The following ROBO2 variants were observed in gnomAD, a reference collection of about 807,000 sequenced individuals.
ROBO2 encodes the protein roundabout guidance receptor 2.
A neutral mutation model predicts 160.8 loss-of-function variants in ROBO2; 53 were observed. That is an observed-to-expected ratio of 0.33 (90% CI 0.26 to 0.41). The LOEUF is 0.41. ROBO2 is among the 10% of genes least tolerant of loss of function. The pLI is 1.00. For synonymous variants in ROBO2, 664 were observed against 611.7 expected, an observed-to-expected ratio of 1.09 and a Z score of -1.26; for missense variants, 1,577 against 1,722.4, an observed-to-expected ratio of 0.92 and a Z score of 1.49.
At chr3:76,110,057 G>A (rs2070151958) in intron 2 of ROBO2, among the ~76,000 whole-genome samples, 1 of 150,522 alleles carries the variant, frequency 6.6e-6, no homozygotes, top group Non-Finnish European at 1.5e-5. Flanking sequence ...ATATATGAAT[G>A]AATATATATA....
chr3:76,986,736 G>T (rs2060402287), intron 2 of ROBO2, among the ~76,000 whole-genome samples: 1 of 152,166 alleles, frequency 6.6e-6, no homozygotes, highest in Admixed American at 6.6e-5. Context: ...GTATGGAATT[G>T]TGCTTGGTTG....
chr3:76,212,520 A>AT (rs1333632221), intron 2 of ROBO2, among the ~76,000 whole-genome samples: 4 of 152,018 alleles, frequency 2.6e-5, no homozygotes, highest in Non-Finnish European at 5.9e-5. Context: ...TAGCAATTAG[A>AT]TTTTTTGTTT....
intron 2 of ROBO2, among the ~76,000 whole-genome samples, chr3:77,173,042 G>A (rs1414383830): frequency 6.6e-6 from 1 of 152,140 alleles, no homozygotes; most frequent in Non-Finnish European, 1.5e-5. Context: ...GGAGATGTCA[G>A]GTAGATAGAC....
chr3:77,568,190 A>T (rs2093542440), intron 12 of ROBO2, 123 bp from the exon 14 acceptor site: 2 of 1,059,284 alleles, frequency 1.9e-6, no homozygotes, highest in South Asian at 1.4e-5. Flanking sequence ...TTTTGTCACA[A>T]GAGAGTTTTC....
intron 2 of ROBO2, among the ~76,000 whole-genome samples, chr3:76,061,883 C>T (rs912126004): frequency 1.3e-4 from 20 of 152,118 alleles, no homozygotes; most frequent in Non-Finnish European, 1.8e-4. Flanking sequence ...AGGGGCCACC[C>T]GCATTCTTTG....
chr3:76,250,113 T>C (rs953581918), intron 2 of ROBO2, among the ~76,000 whole-genome samples: 5 of 152,084 alleles, frequency 3.3e-5, no homozygotes, highest in African/African-American at 1.2e-4. Flanking sequence ...AACAAAATTA[T>C]GTAATATCAA....
chr3:77,209,792 C>T (rs1039540025), intron 2 of ROBO2, among the ~76,000 whole-genome samples: 1 of 152,072 alleles, frequency 6.6e-6, no homozygotes, highest in African/African-American at 2.4e-5. Context: ...CTGGCCTTAT[C>T]AGAATTATTA....
In ROBO2 at chr3:76,481,094, A is replaced by G. The variant is rs369841650; in HGVS notation, c.109+543492A>G. Among the ~76,000 whole-genome samples, 38 of 152,290 alleles carry G rather than the reference A, an allele frequency of 2.5e-4. 1 individual carries two copies. The highest frequency in any genetic ancestry group is 2.1e-3 in the South Asian group (10 of 4,826). On this transcript the variant is annotated intron_variant, in intron 2 of 26. Coordinates refer to the ROBO2 transcript ENST00000487694. ...TACCCAGTGATAGGAGATATGAGCA[A>G]GGAAATGCGTCTCAATGACCTGAAA...
At chr3:77,026,742 T>G (rs888331782) in intron 2 of ROBO2, among the ~76,000 whole-genome samples, 1 of 152,218 alleles carries the variant, frequency 6.6e-6, no homozygotes, top group Non-Finnish European at 1.5e-5. Context: ...CAAAGTATCT[T>G]TATGAGACAG....
intron 19 of ROBO2, among the ~76,000 whole-genome samples, chr3:77,600,541 G>A (rs1391003053): frequency 6.6e-6 from 1 of 152,096 alleles, no homozygotes; most frequent in African/African-American, 2.4e-5. Context: ...GCTTGCCATC[G>A]AAGTGGCTTG....
intron 2 of ROBO2, among the ~76,000 whole-genome samples, chr3:76,158,218 A>G (rs148722152): frequency 1.8e-4 from 28 of 152,162 alleles, no homozygotes; most frequent in African/African-American, 6.5e-4. Flanking sequence ...TCTTACTACC[A>G]TCTATCAAAC....
At chr3:76,025,939 T>C (rs2066730233) in intron 2 of ROBO2, among the ~76,000 whole-genome samples, 2 of 151,876 alleles carry the variant, frequency 1.3e-5, no homozygotes, top group Non-Finnish European at 2.9e-5. Flanking sequence ...ACCATCCTAT[T>C]AGACATTTTC....
rs370125021 is a variant in ROBO2, at chr3:76,109,419, T to G, written c.109+171817T>G. Reference sequence around the variant, plus strand: ...GCAAGATGTCAGGTACCACTACTACTAATAATACCATATGTGGCTTGTGAG... The same window carrying G: ...GCAAGATGTCAGGTACCACTACTACGAATAATACCATATGTGGCTTGTGAG... On this transcript the variant is annotated intron_variant, in intron 2 of 26. Coordinates refer to the ROBO2 transcript ENST00000487694. Among the ~76,000 whole-genome samples the G allele has an allele frequency of 1.1e-3, 164 of 152,114 alleles. 4 individuals carry two copies. In the South Asian group the frequency reaches 0.034, roughly 31 times the overall value.
At chr3:77,583,045 G>C (rs1238312477) in intron 16 of ROBO2, among the ~76,000 whole-genome samples, 1 of 150,860 alleles carries the variant, frequency 6.6e-6, no homozygotes, top group Non-Finnish European at 1.5e-5. Flanking sequence ...GGGAGGCTGA[G>C]GCAGTAAAAT....
At chr3:75,953,769 A>T (rs2107209822) in intron 2 of ROBO2, among the ~76,000 whole-genome samples, 1 of 152,022 alleles carries the variant, frequency 6.6e-6, no homozygotes, top group African/African-American at 2.4e-5. Context: ...TTGTCTCAGT[A>T]ATTTCTCAAT....
chr3:77,090,497 G>GCGC (rs1292683948), intron 1 of ROBO2, among the ~76,000 whole-genome samples: 1 of 151,466 alleles, frequency 6.6e-6, no homozygotes, highest in Non-Finnish European at 1.5e-5. Flanking sequence ...GGGACGACAG[G>GCGC]CGCCACCACC....
chr3:77,403,616 G>A (rs1426539329), intron 2 of ROBO2, among the ~76,000 whole-genome samples: 1 of 30,994 alleles, frequency 3.2e-5, no homozygotes, highest in African/African-American at 1.5e-4. Flanking sequence ...GTGTGTGTGT[G>A]TATTTTTTTT....
intron 2 of ROBO2, among the ~76,000 whole-genome samples, chr3:76,548,817 T>C: frequency 6.6e-6 from 1 of 152,036 alleles, no homozygotes; most frequent in Non-Finnish European, 1.5e-5. Flanking sequence ...ATACGGTCTC[T>C]AAACAAGAAA....
At chr3:76,089,882 A>G (rs2069160571) in intron 2 of ROBO2, among the ~76,000 whole-genome samples, 1 of 152,120 alleles carries the variant, frequency 6.6e-6, no homozygotes, top group Admixed American at 6.6e-5. Context: ...AATAAATAAA[A>G]CTTTCCTTGT....
Sources: allele counts gnomAD v4.1 joint callset (sites outside exome capture counted in the v4.1 genomes callset), GRCh38; gene constraint gnomAD v4.1.1; transcripts MANE v1.5; gene names NCBI Gene and HGNC (gene_info 2026-07-23, HGNC 2026-07-21).